ABHD2: variants seen among roughly 807,000 people sequenced by gnomAD.
ABHD2 encodes the protein monoacylglycerol lipase ABHD2.
Under a neutral mutation model 48.1 loss-of-function variants are expected in ABHD2, and 20 were observed. The ratio of observed to expected loss-of-function variants is 0.42; its 90% CI spans 0.29 to 0.60. ABHD2 has a LOEUF of 0.60. Among genes scored for constraint, ABHD2 ranks in the 20% least tolerant of loss-of-function variants. The pLI, the probability that ABHD2 is intolerant of heterozygous loss-of-function variation, is 0.24. For synonymous variants in ABHD2, 209 were observed against 214.2 expected, an observed-to-expected ratio of 0.98 and a Z score of 0.21; for missense variants, 405 against 550.9, an observed-to-expected ratio of 0.74 and a Z score of 2.65.
At chr15:89,052,017 T>A in the ABHD2 span, among the ~76,000 whole-genome samples, 3 of 152,300 alleles carry the variant, frequency 2.0e-5, 1 homozygote, top group South Asian at 6.2e-4. Flanking sequence ...AAAGTTCACA[T>A]GCAAATCAGT....
At chr15:89,163,041 C>T (rs1051396494) in intron 5 of ABHD2, among the ~76,000 whole-genome samples, 2 of 152,228 alleles carry the variant, frequency 1.3e-5, no homozygotes, top group African/African-American at 2.4e-5. Flanking sequence ...CCCTTAGGCA[C>T]ATTGCCTCTC....
chr15:89,122,651 G>A (rs541862139), intron 3 of ABHD2, among the ~76,000 whole-genome samples: 54 of 152,344 alleles, frequency 3.5e-4, no homozygotes, highest in African/African-American at 1.3e-3. Context: ...GCAGTTCACA[G>A]CCTCCACCCT....
chr15:89,159,139 G>T (rs2050721058), intron 5 of ABHD2, among the ~76,000 whole-genome samples: 1 of 151,976 alleles, frequency 6.6e-6, no homozygotes, highest in South Asian at 2.1e-4. Context: ...CACTTTGGGA[G>T]GCTGAGGTGG....
In ABHD2 at chr15:89,175,683, G is replaced by T. The variant is rs1407632544; in HGVS notation, c.539-129G>T. On this transcript the variant is annotated intron_variant, in intron 5 of 10. Transcript: ENST00000352732. This position sits in a 1 kb window ranked among gnomAD's most constrained non-coding sequence, Gnocchi z 5.7. The stretch of plus-strand genomic sequence containing the variant: ...CACACACATCCCCCGACACACACAC[G>T]TATATATACACATATATATTTCTCT... 6.3e-6 allele frequency: 6 copies of T among 947,098 alleles called. No homozygotes were observed. The highest frequency in any genetic ancestry group is 1.7e-5 in the African/African-American group (1 of 60,198). 58.7% of individuals were successfully genotyped at this position (947,098 alleles called of 1,614,324 possible). A position where few individuals can be genotyped will look rare whatever the true frequency, so the allele number is the denominator to read the frequency against.
At chr15:89,101,158 CT>C (rs1396915766) in intron 1 of ABHD2, among the ~76,000 whole-genome samples, 3 of 152,136 alleles carry the variant, frequency 2.0e-5, no homozygotes, top group African/African-American at 7.2e-5. Context: ...CCTGTTTTAG[CT>C]TTGAATATAT....
In ABHD2 at chr15:89,155,146, C is replaced by T. The variant is rs2050651278; in HGVS notation, c.371-221C>T. On this transcript the variant is annotated intron_variant, in intron 4 of 10. Coordinates refer to ENST00000352732, the MANE Select transcript of ABHD2 (RefSeq NM_152924.5). This position sits in a 1 kb window ranked among gnomAD's most constrained non-coding sequence, Gnocchi z 4.9. ...TCTTTTCAAAAGTATCTGTTCATGA[C>T]TTACTGGACATTTTCAAAACAAACC... is the stretch of plus-strand genomic sequence containing the variant. 6.6e-6 allele frequency among the ~76,000 whole-genome samples: 1 copy of T among 152,132 alleles called. No individual in the cohort carries two copies. The highest frequency in any genetic ancestry group is 6.6e-5 in the Admixed American group (1 of 15,266).
intron 9 of ABHD2, 26 bp from the exon 10 acceptor site, chr15:89,193,209 A>C: frequency 1.2e-6 from 2 of 1,610,728 alleles, no homozygotes; most frequent in South Asian, 2.2e-5. Flanking sequence ...TCAGTAGTTT[A>C]ATTCTGCTTT....
At chr15:89,042,866 C>G in the ABHD2 span, among the ~76,000 whole-genome samples, 1 of 151,668 alleles carries the variant, frequency 6.6e-6, no homozygotes, top group Non-Finnish European at 1.5e-5. Context: ...TAAGGTTTCA[C>G]TGTGTTGGCC....
At position 89,182,708 on chromosome 15, in the gene ABHD2, G is replaced by A. The variant is rs190765825; in HGVS notation, c.723-2716G>A. 3.5e-3 allele frequency among the ~76,000 whole-genome samples: 530 copies of A among 152,224 alleles called. 4 individuals are homozygous for A. The highest frequency in any genetic ancestry group is 0.012 in the African/African-American group (482 of 41,540). ...CTCGGGAGTCTGAAGCAGGAGAATC[G>A]CTTGAACCCAGGAGGTGGAGGTTGC... On this transcript the variant is annotated intron_variant, in intron 6 of 10. Coordinates refer to ENST00000352732, the MANE Select transcript of ABHD2 (RefSeq NM_152924.5). This position sits in a 1 kb window ranked among gnomAD's most constrained non-coding sequence, Gnocchi z 4.8.
the ABHD2 span, among the ~76,000 whole-genome samples, chr15:89,058,706 G>T: frequency 6.6e-6 from 1 of 152,112 alleles, no homozygotes; most frequent in Non-Finnish European, 1.5e-5. Context: ...CCTCTTTCCT[G>T]CTGTGGAGCC....
chr15:89,060,923 C>T, the ABHD2 span, among the ~76,000 whole-genome samples: 1 of 151,794 alleles, frequency 6.6e-6, no homozygotes, highest in Non-Finnish European at 1.5e-5. Context: ...ATAATGAAAT[C>T]ATGTCCTTTG....
intron 3 of ABHD2, among the ~76,000 whole-genome samples, chr15:89,148,751 C>T (rs976084640): frequency 4.6e-5 from 7 of 152,176 alleles, no homozygotes; most frequent in African/African-American, 7.2e-5. Flanking sequence ...ATCTAGCTCC[C>T]GGCAGAAGAA....
At chr15:89,172,956 A>G (rs2050953864) in intron 5 of ABHD2, among the ~76,000 whole-genome samples, 1 of 152,200 alleles carries the variant, frequency 6.6e-6, no homozygotes, top group Admixed American at 6.5e-5. Context: ...ACTTGTCATC[A>G]AAGAGAAATT....
rs961372015 is a variant in ABHD2 at position 89,102,513 on chromosome 15, C to T, written c.-106-11212C>T. 6.6e-6 allele frequency: 1 copy of T among 152,262 alleles called. No individual in the cohort carries two copies. The highest frequency in any genetic ancestry group is 2.1e-4 in the South Asian group (1 of 4,836). The allele number at this position is 152,262 out of a possible 1,614,324, so 9.4% of individuals were successfully genotyped here. On this transcript the variant is annotated intron_variant, in intron 1 of 10. Transcript: ENST00000352732. The surrounding 1 kb of genome is among the most constrained non-coding windows in gnomAD (Gnocchi z 4.8). ...GCCTTTTCGCAGGTTCTGTCCTCTT[C>T]ATTTGCAAGCCACTGCTTTATCCAC... is the stretch of plus-strand genomic sequence containing the variant.
rs1303701992 is a variant in ABHD2 at position 89,195,377 on chromosome 15, A to G, written c.1232A>G (p.Lys411Arg). The stretch of plus-strand genomic sequence containing the variant: ...GCCATTTGCCAATGGGAGCGTAACA[A>G]GTTGCAGTGCTCTGACACGGAGCAG... ...ANAICQWERN[K>R]LQCSDTEQVE... The change falls in exon 11 of 11, where the codon AAG becomes AGG. Residue 411 changes from lysine to arginine, a missense_variant. Transcript: ENST00000352732. This position sits in a 1 kb window ranked among gnomAD's most constrained non-coding sequence, Gnocchi z 5.1. 3.1e-6 allele frequency: 5 copies of G among 1,614,014 alleles called. No individual in the cohort carries two copies. The Admixed American group carries it at 5.0e-5, about 16-fold the overall frequency.
At chr15:89,125,605 C>T (rs2050119004) in intron 3 of ABHD2, among the ~76,000 whole-genome samples, 1 of 152,204 alleles carries the variant, frequency 6.6e-6, no homozygotes. Context: ...GCTGACCAAA[C>T]ATTCCAGTTT....
intron 3 of ABHD2, among the ~76,000 whole-genome samples, chr15:89,145,529 G>T (rs955739790): frequency 6.6e-6 from 1 of 152,164 alleles, no homozygotes; most frequent in African/African-American, 2.4e-5. Flanking sequence ...GGGCCGTGGG[G>T]TATCAGGGCA....
Position 89,188,671 on chromosome 15 carries a change from A to G in ABHD2, c.926+368A>G, listed in dbSNP as rs531445481. Among the ~76,000 whole-genome samples the G allele has an allele frequency of 5.3e-4, 80 of 152,306 alleles. No homozygotes were observed. Among genetic ancestry groups the G allele is most frequent in the Non-Finnish European group, 8.2e-4 (56 of 68,028 alleles). ...ATAAATCTGCATTTCGCAGTGGAGTAAAAGGCAAAAGAAATACTTCTTGTA... is the reference window on the plus strand; with the variant it reads ...ATAAATCTGCATTTCGCAGTGGAGTGAAAGGCAAAAGAAATACTTCTTGTA... On this transcript the variant is annotated intron_variant, in intron 8 of 10. Transcript: ENST00000352732. The surrounding 1 kb of genome is among the most constrained non-coding windows in gnomAD (Gnocchi z 4.1).
Position 89,116,640 on chromosome 15 carries a change from T to C in ABHD2, c.194+119T>C, listed in dbSNP as rs2049966134. 1.8e-6 allele frequency: 2 copies of C among 1,107,536 alleles called. No individual in the cohort carries two copies. The highest frequency in any genetic ancestry group is 2.6e-6 in the Non-Finnish European group (2 of 784,032). The allele number at this position is 1,107,536 out of a possible 1,614,324, so 68.6% of individuals were successfully genotyped here. ...AGGCATCAATGGGATATGACGTCAC[T>C]GGTGTTAAAATAGCCACAGTCTGAT... On this transcript the variant is annotated intron_variant, in intron 3 of 10. Coordinates refer to ENST00000352732, the MANE Select transcript of ABHD2 (RefSeq NM_152924.5). This position sits in a 1 kb window ranked among gnomAD's most constrained non-coding sequence, Gnocchi z 4.6.
Sources: allele counts gnomAD v4.1 joint callset (sites outside exome capture counted in the v4.1 genomes callset), GRCh38; gene constraint gnomAD v4.1.1; non-coding constraint Gnocchi (gnomAD v3.1); transcripts MANE v1.5; gene names NCBI Gene and HGNC (gene_info 2026-07-23, HGNC 2026-07-21).